The following ANK3 variants were observed in gnomAD, a reference collection of about 807,000 sequenced individuals.
ANK3 encodes ankyrin-3.
In ANK3, 57 loss-of-function variants were observed where a neutral mutation model predicts 370.9. The ratio of observed to expected loss-of-function variants is 0.15; its 90% confidence interval spans 0.12 to 0.19. The LOEUF (loss-of-function observed/expected upper bound fraction) is 0.19, where lower values mean the gene tolerates loss of function less well. Among genes scored for constraint, ANK3 ranks in the 10% least tolerant of loss-of-function variants. ANK3 has a pLI of 1.00. For synonymous variants in ANK3, 1,929 were observed against 1,946.3 expected (o/e 0.99, Z 0.23); for missense variants, 4,439 against 5,302.1 (o/e 0.84, Z 5.06).
rs971642811 is a variant in ANK3, at chr10:60,540,588, C to G, written c.96+74598G>C. ...CGGTCAGCTAAGAGAAAGCATGGTA[C>G]AGTGGGGAAGGTACATGGATGAAGA... On this transcript the variant is annotated intron_variant, in intron 2 of 43. Coordinates refer to the ANK3 transcript ENST00000373827. Among the ~76,000 whole-genome samples the G allele has an allele frequency of 1.5e-4, 23 of 151,850 alleles. 1 individual carries two copies. Among genetic ancestry groups the G allele is most frequent in the Non-Finnish European group, 2.9e-5 (2 of 67,894 alleles).
intron 2 of ANK3, among the ~76,000 whole-genome samples, chr10:60,479,187 A>G (rs1338882425): frequency 6.6e-6 from 1 of 152,182 alleles, no homozygotes; most frequent in Non-Finnish European, 1.5e-5. Flanking sequence ...TAAAAAGCGT[A>G]CTGTCATGCA....
At chr10:60,104,465 C>G (rs896619202) in intron 28 of ANK3, among the ~76,000 whole-genome samples, 2 of 150,680 alleles carry the variant, frequency 1.3e-5, no homozygotes, top group Admixed American at 6.6e-5. Flanking sequence ...CCTTACTACT[C>G]AGTGGAATAA....
chr10:60,392,277 A>G (rs892048048), upstream of ANK3, among the ~76,000 whole-genome samples: 1 of 152,220 alleles, frequency 6.6e-6, no homozygotes, highest in Non-Finnish European at 1.5e-5. Flanking sequence ...AAACATTAAA[A>G]CAACTTTTAA....
chr10:60,618,982 A>G (rs1013270814), intron 1 of ANK3, among the ~76,000 whole-genome samples: 2 of 152,152 alleles, frequency 1.3e-5, no homozygotes, highest in African/African-American at 2.4e-5. Flanking sequence ...AGAAAGCTTC[A>G]TAATCAAAGT....
At chr10:60,329,470 G>A (rs1377211613) in intron 1 of ANK3, among the ~76,000 whole-genome samples, 6 of 152,084 alleles carry the variant, frequency 3.9e-5, no homozygotes, top group Non-Finnish European at 7.4e-5. Context: ...GAAATCACAA[G>A]CATTTCTATA....
chr10:60,490,999 G>A (rs1186203945), intron 2 of ANK3, among the ~76,000 whole-genome samples: 1 of 152,118 alleles, frequency 6.6e-6, no homozygotes, highest in African/African-American at 2.4e-5. Context: ...AACTTTGCCT[G>A]TACTGCAACT....
chr10:60,708,931 T>C (rs903078815), intron 1 of ANK3, among the ~76,000 whole-genome samples: 3 of 152,212 alleles, frequency 2.0e-5, no homozygotes, highest in Admixed American at 2.0e-4. Flanking sequence ...GAAGATACTA[T>C]AGGATATTTC....
At chr10:60,378,157 G>C (rs186353121) in intron 1 of ANK3, among the ~76,000 whole-genome samples, 1 of 152,252 alleles carries the variant, frequency 6.6e-6, no homozygotes, top group East Asian at 1.9e-4. Context: ...AATAAGAAAA[G>C]AATGTGGTAA....
chr10:60,451,160 C>T (rs2064590956), intron 2 of ANK3, among the ~76,000 whole-genome samples: 1 of 152,114 alleles, frequency 6.6e-6, no homozygotes, highest in Admixed American at 6.6e-5. Flanking sequence ...CCCAGCCACG[C>T]CGGAAGCTAG....
At chr10:60,566,179 C>T (rs893240583) in intron 2 of ANK3, among the ~76,000 whole-genome samples, 1 of 152,038 alleles carries the variant, frequency 6.6e-6, no homozygotes, top group Non-Finnish European at 1.5e-5. Context: ...AAGATGGAAA[C>T]CTTAATTAGT....
chr10:60,547,489 G>C (rs561809932), intron 2 of ANK3, among the ~76,000 whole-genome samples: 2 of 151,968 alleles, frequency 1.3e-5, no homozygotes, highest in East Asian at 3.9e-4. Flanking sequence ...TCCACCTCCT[G>C]GGTTCAAGCG....
chr10:60,389,507 T>A lies in ANK3; in HGVS notation c.32A>T (p.Asn11Ile). Residue 11 changes from asparagine to isoleucine, a missense_variant, in exon 1 of 44, where the codon AAC becomes ATC. This residue lies in a region of ANK3 where 54 missense variants were observed against 52.7 expected (regional missense o/e 1.02). Coordinates refer to ENST00000280772, the MANE Select transcript of ANK3 (RefSeq NM_020987.5). The part of the protein sequence containing the change: MAHAASQLKK[N>I]RDLEINAEEE... ...TTCAGCATTGATTTCTAAATCCCTG[T>A]TTTTCTTTAATTGTGAGGCTGCATG... 6.2e-7 allele frequency: 1 copy of A among 1,614,050 alleles called. No homozygotes were observed. The highest frequency in any genetic ancestry group is 8.5e-7 in the Non-Finnish European group (1 of 1,179,976).
Position 60,074,878 on chromosome 10 carries a change from T to C in ANK3, c.6003A>G (p.Arg2001=). 6 of 1,613,878 alleles carry C rather than the reference T, an allele frequency of 3.7e-6. No individual in the cohort carries two copies. Among genetic ancestry groups the C allele is most frequent in the Non-Finnish European group, 5.1e-6 (6 of 1,179,962 alleles). ...EFSSEEIREA[R]QQAAASQSPS... ...GAGACTGGCTCGCAGCAGCTTGTTG[T>C]CTGGCTTCCCGGATTTCTTCCGAAC... is the stretch of plus-strand genomic sequence containing the variant. Residue 2001 remains arginine (R), a synonymous_variant, in exon 37 of 44, where the codon AGA becomes AGG. Transcript: ENST00000280772.
intron 2 of ANK3, chr10:60,572,940 G>T (rs1026331199): frequency 1.0e-6 from 1 of 995,456 alleles, no homozygotes. Context: ...CACACACACA[G>T]AAATAAGCTA....
At chr10:60,601,945 G>A (rs2078070094) in intron 2 of ANK3, among the ~76,000 whole-genome samples, 1 of 152,110 alleles carries the variant, frequency 6.6e-6, no homozygotes, top group South Asian at 2.1e-4. Context: ...GCTCAGTGAA[G>A]TACAGCGTAT....
intron 2 of ANK3, among the ~76,000 whole-genome samples, chr10:60,395,854 C>T (rs1191355520): frequency 6.6e-5 from 10 of 152,188 alleles, no homozygotes; most frequent in African/African-American, 2.4e-4. Flanking sequence ...ATAATTAGAA[C>T]ACACAGACAG....
intron 40 of ANK3, among the ~76,000 whole-genome samples, chr10:60,061,677 C>T (rs911657784): frequency 1.3e-5 from 2 of 151,826 alleles, no homozygotes; most frequent in African/African-American, 4.8e-5. Context: ...CTTTTTACTT[C>T]ATTACCCATT....
chr10:60,026,641 G>C lies in ANK3; in HGVS notation c.*3205C>G, dbSNP rs900286826. The stretch of plus-strand genomic sequence containing the variant: ...TCCAGGATGATACCAAATGAACAGC[G>C]AGGAACATCAGGATGCCAAAAAGTC... On this transcript the variant is annotated 3_prime_UTR_variant, in exon 44 of 44. Transcript: ENST00000280772. The C allele has an allele frequency of 2.6e-5, 4 of 152,154 alleles. No homozygotes were observed. The highest frequency in any genetic ancestry group is 9.7e-5 in the African/African-American group (4 of 41,436). The allele number at this position is 152,154 out of a possible 1,614,324, so 9.4% of individuals were successfully genotyped here.
At chr10:60,180,253 TC>T (rs1417696123) in intron 18 of ANK3, among the ~76,000 whole-genome samples, 2 of 151,592 alleles carry the variant, frequency 1.3e-5, no homozygotes, top group African/African-American at 2.4e-5. Flanking sequence ...AAAATTTTAT[TC>T]ACAATATTTA....
Sources: allele counts gnomAD v4.1 joint callset (sites outside exome capture counted in the v4.1 genomes callset), GRCh38; gene constraint gnomAD v4.1.1; regional missense constraint gnomAD v4.1.1; transcripts MANE v1.5; gene names NCBI Gene and HGNC (gene_info 2026-07-23, HGNC 2026-07-21).